RAPGEF4: variants seen among roughly 807,000 people sequenced by gnomAD.
RAPGEF4 encodes RAP guanine-nucleotide-exchange factor (GEF) 4.
A neutral mutation model predicts 147.9 loss-of-function variants in RAPGEF4; 66 were observed. The ratio of observed to expected loss-of-function variants is 0.45; its 90% CI spans 0.37 to 0.55. RAPGEF4 has a LOEUF of 0.55. RAPGEF4 is among the 20% of genes least tolerant of loss of function. The pLI, the probability that RAPGEF4 is intolerant of heterozygous loss-of-function variation, is 0.00. For missense variants in RAPGEF4, 1,071 were observed against 1,257.3 expected, an observed-to-expected ratio of 0.85 and a Z score of 2.24; for synonymous variants, 419 against 442.7, an observed-to-expected ratio of 0.95 and a Z score of 0.67.
intron 12 of RAPGEF4, 100 bp from the exon 13 acceptor site, chr2:172,988,096 G>A (rs1175278560): frequency 1.9e-5 from 27 of 1,413,360 alleles, no homozygotes; most frequent in Non-Finnish European, 2.5e-5. Context: ...TTTTACGTAT[G>A]CATATTTTCT....
At chr2:172,821,938 C>G (rs769740364) in intron 4 of RAPGEF4, 1 of 1,613,142 alleles carries the variant, frequency 6.2e-7, no homozygotes, top group Admixed American at 1.7e-5. Context: ...TGTCTGAGAA[C>G]TTTGAGAGAC....
At chr2:173,019,698 C>T (rs1255834579) in intron 22 of RAPGEF4, among the ~76,000 whole-genome samples, 15 of 152,194 alleles carry the variant, frequency 9.9e-5, no homozygotes, top group Admixed American at 9.8e-4. Flanking sequence ...GCTCCAGTTG[C>T]ACAAGGCCCA....
At chr2:172,988,962 G>C in intron 14 of RAPGEF4, 123 bp downstream of exon 14, 7 of 1,101,504 alleles carry the variant, frequency 6.4e-6, no homozygotes, top group Non-Finnish European at 9.0e-6. Flanking sequence ...AGGCACAAAG[G>C]GCCTTTGTTA....
chr2:172,972,782 C>G (rs907191720), intron 10 of RAPGEF4, among the ~76,000 whole-genome samples: 4 of 152,056 alleles, frequency 2.6e-5, no homozygotes, highest in Non-Finnish European at 5.9e-5. Context: ...AAGATTGCCT[C>G]AAGGTTTTAA....
intron 1 of RAPGEF4, among the ~76,000 whole-genome samples, chr2:172,736,604 G>A (rs1693797091): frequency 6.6e-6 from 1 of 152,142 alleles, no homozygotes; most frequent in Non-Finnish European, 1.5e-5. Context: ...TCATTTGGGA[G>A]GCTGCTTTCG....
intron 29 of RAPGEF4, among the ~76,000 whole-genome samples, chr2:173,043,475 G>C (rs374121638): frequency 2.0e-5 from 3 of 152,222 alleles, no homozygotes; most frequent in African/African-American, 7.2e-5. Flanking sequence ...AGGTCCTAGA[G>C]TGGTACCAAT....
chr2:173,033,083 A>G (rs929149739), intron 26 of RAPGEF4, among the ~76,000 whole-genome samples: 4 of 152,242 alleles, frequency 2.6e-5, no homozygotes, highest in Non-Finnish European at 5.9e-5. Flanking sequence ...GTATTGATCT[A>G]TTGGTGTAGA....
intron 1 of RAPGEF4, among the ~76,000 whole-genome samples, chr2:172,771,413 GT>G (rs200818612): frequency 1.2e-4 from 17 of 146,036 alleles, no homozygotes; most frequent in Admixed American, 2.0e-4. Context: ...AAGCAGTACT[GT>G]TTTTTTTTTT....
chr2:173,040,425 A>G (rs1163932547), intron 29 of RAPGEF4, among the ~76,000 whole-genome samples: 1 of 152,126 alleles, frequency 6.6e-6, no homozygotes, highest in African/African-American at 2.4e-5. Context: ...GGTTGATGTC[A>G]ATGCCACTTC....
At chr2:172,964,254 C>G (rs1361923856) in intron 8 of RAPGEF4, among the ~76,000 whole-genome samples, 1 of 152,068 alleles carries the variant, frequency 6.6e-6, no homozygotes, top group African/African-American at 2.4e-5. Flanking sequence ...TAATGGCCTT[C>G]TCAGTACACC....
At chr2:172,932,009 C>G (rs1302461413) in intron 6 of RAPGEF4, among the ~76,000 whole-genome samples, 1 of 150,352 alleles carries the variant, frequency 6.7e-6, no homozygotes, top group Admixed American at 6.6e-5. Context: ...CATGCGCCCA[C>G]CCCCAGCTTT....
chr2:172,800,388 A>G (rs1686848972), intron 3 of RAPGEF4, among the ~76,000 whole-genome samples: 1 of 152,210 alleles, frequency 6.6e-6, no homozygotes, highest in African/African-American at 2.4e-5. Flanking sequence ...GCCCCCTTCC[A>G]TGCCAAGATG....
chr2:172,830,957 T>C (rs1267574321), intron 4 of RAPGEF4, among the ~76,000 whole-genome samples: 1 of 152,204 alleles, frequency 6.6e-6, no homozygotes, highest in Non-Finnish European at 1.5e-5. Context: ...GGTTTCTCTG[T>C]AGAATATTTT....
At chr2:173,018,954 G>A in intron 22 of RAPGEF4, 152 bp downstream of exon 22, 2 of 877,900 alleles carry the variant, frequency 2.3e-6, no homozygotes, top group Non-Finnish European at 3.4e-6. Context: ...AACAGTATGG[G>A]TAGAGGTGGG....
chr2:172,921,085 A>G (rs778648820), intron 5 of RAPGEF4, among the ~76,000 whole-genome samples: 6 of 150,232 alleles, frequency 4.0e-5, no homozygotes, highest in Non-Finnish European at 7.4e-5. Flanking sequence ...TAGGATGAGC[A>G]CTCAGGTTTT....
At chr2:172,845,522 T>C (rs546227331) in intron 4 of RAPGEF4, among the ~76,000 whole-genome samples, 31 of 152,294 alleles carry the variant, frequency 2.0e-4, no homozygotes, top group African/African-American at 7.2e-4. Flanking sequence ...CTTAGAGCTG[T>C]GCTGTCACCT....
At chr2:172,998,171 C>T (rs1394501181) in intron 16 of RAPGEF4, among the ~76,000 whole-genome samples, 1 of 152,164 alleles carries the variant, frequency 6.6e-6, no homozygotes, top group Non-Finnish European at 1.5e-5. Flanking sequence ...GTGGTTAGTG[C>T]TTCAGGGACA....
intron 16 of RAPGEF4, 117 bp downstream of exon 16, chr2:172,996,671 T>G: frequency 1.4e-6 from 1 of 694,274 alleles, no homozygotes; most frequent in Non-Finnish European, 2.4e-6. Flanking sequence ...ATTCTGTGTA[T>G]TGATATTTGA....
chr2:172,790,354 G>C (rs1685678084), intron 1 of RAPGEF4, among the ~76,000 whole-genome samples: 1 of 152,162 alleles, frequency 6.6e-6, no homozygotes, highest in African/African-American at 2.4e-5. Flanking sequence ...GTTGTTGTTT[G>C]AACATGTTTT....
Sources: gnomAD v4.1 joint callset for allele counts (sites outside exome capture counted in the v4.1 genomes callset) on GRCh38, gnomAD v4.1.1 for gene constraint, MANE v1.5 for transcripts, NCBI Gene and HGNC (gene_info 2026-07-23, HGNC 2026-07-21) for gene names.